Variants in KIF6 observed in about 807,000 individuals in gnomAD.
KIF6 encodes kinesin-like protein KIF6.
KIF6 carries 106 observed loss-of-function variants against 112.7 expected under a neutral mutation model. The ratio of observed to expected loss-of-function variants is 0.94; its 90% CI spans 0.80 to 1.11. KIF6 has a LOEUF of 1.11. Ranked by LOEUF, KIF6 falls within the 50% of genes least tolerant of loss-of-function variation. The pLI is 0.00. For synonymous variants in KIF6, 339 were observed against 339.9 expected, an observed-to-expected ratio of 1.00 and a Z score of 0.03; for missense variants, 929 against 964.0, an observed-to-expected ratio of 0.96 and a Z score of 0.48.
chr6:39,352,673 G>C (rs1488362786), intron 19 of KIF6, among the ~76,000 whole-genome samples: 3 of 149,398 alleles, frequency 2.0e-5, no homozygotes, highest in Non-Finnish European at 2.9e-5. Context: ...GCTTGATCTC[G>C]GCTCACTGCA....
intron 9 of KIF6, among the ~76,000 whole-genome samples, chr6:39,584,457 A>G (rs201610305): frequency 0.14 from 17,939 of 126,030 alleles, 2,562 homozygotes; most frequent in East Asian, 0.32. Flanking sequence ...AAAAAAAAAA[A>G]AAAGACTATT....
chr6:39,460,267 C>T (rs560635607), intron 13 of KIF6, among the ~76,000 whole-genome samples: 5,214 of 117,118 alleles, frequency 0.045, 139 homozygotes, highest in South Asian at 0.12. Context: ...AGTAAACTAT[C>T]GCAAGAACAA....
In KIF6 at chr6:39,415,974, C is replaced by T. The variant is rs1419450927; in HGVS notation, c.1810+3974G>A. Among the ~76,000 whole-genome samples, 4 of 152,250 alleles carry T rather than the reference C, an allele frequency of 2.6e-5. No homozygotes were observed. In the South Asian group the frequency reaches 8.3e-4, roughly 32 times the overall value. On this transcript the variant is annotated intron_variant, in intron 15 of 22. Transcript: ENST00000287152. Reference sequence around the variant, plus strand: ...CTAACAGCTTCTTCTATTACATTCCCCGTGATTTTTGAATTGATTGCTGAG... The same window carrying T: ...CTAACAGCTTCTTCTATTACATTCCTCGTGATTTTTGAATTGATTGCTGAG...
chr6:39,592,041 G>C (rs1487808183), intron 7 of KIF6, among the ~76,000 whole-genome samples: 1 of 152,198 alleles, frequency 6.6e-6, no homozygotes, highest in Non-Finnish European at 1.5e-5. Context: ...GAACCCGGGA[G>C]ATGGAGGTTG....
In KIF6 at chr6:39,331,066, G is replaced by GT; in HGVS notation, c.*5465dup. Reference sequence around the variant, plus strand: ...ACCCAATACCCAACCTGCCATCATTGTCCTAAGCTTCCCTTCCCTGCTTCT... The same window carrying GT: ...ACCCAATACCCAACCTGCCATCATTGTTCCTAAGCTTCCCTTCCCTGCTTCT... On this transcript the variant is annotated 3_prime_UTR_variant, in exon 23 of 23. Transcript: ENST00000287152. The GT allele has an allele frequency of 6.6e-6, 1 of 152,656 alleles. No homozygotes were observed. Among genetic ancestry groups the GT allele is most frequent in the East Asian group, 1.9e-4 (1 of 5,172 alleles). 9.5% of individuals were successfully genotyped at this position (152,656 alleles called of 1,614,324 possible).
intron 3 of KIF6, among the ~76,000 whole-genome samples, chr6:39,660,538 G>C (rs1052359513): frequency 1.3e-5 from 2 of 152,202 alleles, no homozygotes; most frequent in Non-Finnish European, 2.9e-5. Context: ...ACACAATCTT[G>C]TCAATGAAGC....
chr6:39,584,459 A>AAAAAAAAAC, intron 9 of KIF6, among the ~76,000 whole-genome samples: 1 of 128,594 alleles, frequency 7.8e-6, no homozygotes, highest in Non-Finnish European at 1.7e-5. Context: ...AAAAAAAAAA[A>AAAAAAAAAC]AGACTATTAT....
chr6:39,674,500 C>T (rs1787020937), intron 3 of KIF6, among the ~76,000 whole-genome samples: 1 of 151,940 alleles, frequency 6.6e-6, no homozygotes, highest in South Asian at 2.1e-4. Flanking sequence ...TACACAAAGG[C>T]CCAGAGTGCG....
At chr6:39,528,870 A>C (rs1043159094) in intron 13 of KIF6, among the ~76,000 whole-genome samples, 1 of 152,242 alleles carries the variant, frequency 6.6e-6, no homozygotes, top group Non-Finnish European at 1.5e-5. Flanking sequence ...TAGAAAAAAC[A>C]AATTCTAAAT....
intron 10 of KIF6, among the ~76,000 whole-genome samples, chr6:39,560,486 C>A (rs912098373): frequency 2.0e-5 from 3 of 152,180 alleles, no homozygotes; most frequent in African/African-American, 7.2e-5. Flanking sequence ...GCCACACTTA[C>A]GGCTTTGCTC....
In KIF6 at chr6:39,621,025, G is replaced by A. The variant is rs1223998532; in HGVS notation, c.510-7707C>T. ...CTTAGGTGATTTGCCCACCCTGGCC[G>A]CTCAAAGTGCTGGGATTACAGGTGT... On this transcript the variant is annotated intron_variant, in intron 5 of 22. Transcript: ENST00000287152. Among the ~76,000 whole-genome samples, 4 of 152,000 alleles carry A rather than the reference G, an allele frequency of 2.6e-5. No individual in the cohort carries two copies. The South Asian group carries it at 6.2e-4, about 24-fold the overall frequency.
chr6:39,485,446 A>G (rs939168489), intron 13 of KIF6, among the ~76,000 whole-genome samples: 1 of 151,994 alleles, frequency 6.6e-6, no homozygotes, highest in Non-Finnish European at 1.5e-5. Flanking sequence ...ATTGCTAACC[A>G]TCTTACCCAT....
At chr6:39,581,566 A>C (rs985052996) in intron 9 of KIF6, among the ~76,000 whole-genome samples, 8 of 152,120 alleles carry the variant, frequency 5.3e-5, no homozygotes, top group African/African-American at 1.9e-4. Flanking sequence ...CAAATTTTTC[A>C]AAGTAGTTTT....
intron 19 of KIF6, 80 bp downstream of exon 19, chr6:39,357,197 G>C (rs999911318): frequency 1.3e-6 from 1 of 799,172 alleles, no homozygotes; most frequent in Non-Finnish European, 2.1e-6. Flanking sequence ...AGAGACATGA[G>C]AGCCACAGGA....
chr6:39,550,159 T>C (rs1779288647), intron 10 of KIF6, among the ~76,000 whole-genome samples: 1 of 152,204 alleles, frequency 6.6e-6, no homozygotes, highest in Non-Finnish European at 1.5e-5. Context: ...CATTTATACA[T>C]TGAGTGTGAT....
At chr6:39,589,333 A>G (rs1164214308) in intron 7 of KIF6, among the ~76,000 whole-genome samples, 3 of 152,024 alleles carry the variant, frequency 2.0e-5, no homozygotes, top group African/African-American at 7.3e-5. Flanking sequence ...TTCTTATACT[A>G]CTTATCACTA....
intron 19 of KIF6, chr6:39,353,941 T>C: frequency 1.8e-6 from 1 of 570,176 alleles, no homozygotes. Flanking sequence ...GTGCCACTGC[T>C]CTGCAGCAGG....
At chr6:39,423,495 T>C (rs1336475517) in intron 14 of KIF6, among the ~76,000 whole-genome samples, 1 of 152,066 alleles carries the variant, frequency 6.6e-6, no homozygotes, top group Non-Finnish European at 1.5e-5. Context: ...AGGCATTCCC[T>C]TTATGCCAGC....
chr6:39,574,915 C>T (rs1357674227), intron 10 of KIF6, among the ~76,000 whole-genome samples: 2 of 152,124 alleles, frequency 1.3e-5, no homozygotes, highest in African/African-American at 4.8e-5. Context: ...TTTTTTCATT[C>T]TGTTATTGAG....
Sources: gnomAD v4.1 joint callset for allele counts (sites outside exome capture counted in the v4.1 genomes callset) on GRCh38, gnomAD v4.1.1 for gene constraint, MANE v1.5 for transcripts, NCBI Gene and HGNC (gene_info 2026-07-23, HGNC 2026-07-21) for gene names.